AOX1: variants seen among roughly 807,000 people sequenced by gnomAD.
AOX1 encodes the protein aldehyde oxidase.
AOX1 carries 153 observed loss-of-function variants against 169.5 expected under a neutral mutation model. The observed-to-expected ratio is 0.90, with a 90% confidence interval of 0.79 to 1.03. AOX1 has a LOEUF of 1.03. Among genes scored for constraint, AOX1 ranks in the 50% least tolerant of loss-of-function variants. AOX1 has a pLI of 0.00. For missense variants in AOX1, 1,656 were observed against 1,663.9 expected, an observed-to-expected ratio of 1.00 and a Z score of 0.08; for synonymous variants, 562 against 581.9, an observed-to-expected ratio of 0.97 and a Z score of 0.49.
chr2:200,673,444 G>A (rs1015250040), downstream of AOX1, among the ~76,000 whole-genome samples: 1 of 152,166 alleles, frequency 6.6e-6, no homozygotes, highest in Admixed American at 6.5e-5. Context: ...ATTCAGGCAC[G>A]AAATCCTGTC....
chr2:200,643,323 A>G lies in AOX1; in HGVS notation c.2847+522A>G, dbSNP rs1013728994. Among the ~76,000 whole-genome samples, 3 of 151,330 alleles carry G rather than the reference A, an allele frequency of 2.0e-5. No homozygotes were observed. The South Asian group carries it at 6.2e-4, about 31-fold the overall frequency. On this transcript the variant is annotated intron_variant, in intron 25 of 34. Transcript: ENST00000374700. The stretch of plus-strand genomic sequence containing the variant: ...TGAATTGTGAGATTTTGGTGCACCC[A>G]TCACCCGATGGGTGTATGTATATAC...
chr2:200,636,747 CAT>C (rs1267915523), intron 21 of AOX1, among the ~76,000 whole-genome samples, 162 bp from the exon 22 acceptor site: 2 of 152,296 alleles, frequency 1.3e-5, no homozygotes, highest in South Asian at 2.1e-4. Context: ...GTATGGGTAT[CAT>C]GTGCAACATT....
chr2:200,670,339 T>C (rs1465904072), intron 34 of AOX1, among the ~76,000 whole-genome samples: 1 of 152,214 alleles, frequency 6.6e-6, no homozygotes, highest in African/African-American at 2.4e-5. Flanking sequence ...TGGCTCTTTG[T>C]GGTATCCTTC....
chr2:200,607,568 A>G lies in AOX1; in HGVS notation c.908-1416A>G, dbSNP rs372540165. ...GTGGAAGACAGTGTGGTGATTCCTC[A>G]GGGATCTAGAACCAGAAATACCATT... On this transcript the variant is annotated intron_variant, in intron 10 of 34. Coordinates refer to ENST00000374700, the MANE Select transcript of AOX1 (RefSeq NM_001159.4). Among the ~76,000 whole-genome samples the G allele has an allele frequency of 2.6e-5, 4 of 152,332 alleles. No homozygotes were observed. In the East Asian group the frequency reaches 5.8e-4, roughly 22 times the overall value.
At chr2:200,656,451 A>G (rs1201618387) in intron 26 of AOX1, among the ~76,000 whole-genome samples, 2 of 152,216 alleles carry the variant, frequency 1.3e-5, no homozygotes, top group Non-Finnish European at 2.9e-5. Context: ...GTCTAACTCC[A>G]AAGCTCTGTA....
At chr2:200,587,627 G>A (rs1330183748) in intron 1 of AOX1, among the ~76,000 whole-genome samples, 1 of 152,166 alleles carries the variant, frequency 6.6e-6, no homozygotes, top group Non-Finnish European at 1.5e-5. Context: ...TGGATAAGAT[G>A]AGCTAGTTTT....
rs116553252 is a variant in AOX1, at chr2:200,667,959, T to C, written c.3610-656T>C. Among the ~76,000 whole-genome samples, 573 of 152,170 alleles carry C rather than the reference T, an allele frequency of 3.8e-3. 2 individuals are homozygous for C. The highest frequency in any genetic ancestry group is 0.013 in the African/African-American group (533 of 41,520). ...CAGTCAGGGGGGTTTGTCTGCCTCA[T>C]GGGCAAAAAACAAAAGAAGAGGGTG... On this transcript the variant is annotated intron_variant, in intron 32 of 34. Transcript: ENST00000374700.
At chr2:200,609,665 G>A (rs570635186) in intron 12 of AOX1, among the ~76,000 whole-genome samples, 22 of 152,248 alleles carry the variant, frequency 1.4e-4, no homozygotes, top group African/African-American at 5.3e-4. Context: ...GGACATGTTT[G>A]TGTTGGTTAA....
chr2:200,642,926 G>A (rs1323808896), intron 25 of AOX1, 125 bp downstream of exon 25: 7 of 927,162 alleles, frequency 7.5e-6, no homozygotes, highest in Non-Finnish European at 9.6e-6. Context: ...AAGTCCCCCA[G>A]CTAACTGGTT....
chr2:200,659,860 T>C (rs1469381320), intron 28 of AOX1, 135 bp from the exon 29 acceptor site: 1 of 635,548 alleles, frequency 1.6e-6, no homozygotes, highest in Admixed American at 2.8e-5. Flanking sequence ...TCATATCACC[T>C]TCATACAGGG....
downstream of AOX1, among the ~76,000 whole-genome samples, chr2:200,679,666 G>A (rs570301505): frequency 0.011 from 1,695 of 148,294 alleles, 32 homozygotes; most frequent in African/African-American, 0.039. Context: ...GCCCCCCCCC[G>A]AGTCTGTCAC....
intron 19 of AOX1, among the ~76,000 whole-genome samples, chr2:200,625,439 C>A (rs1347612707): frequency 2.0e-5 from 3 of 152,188 alleles, no homozygotes; most frequent in African/African-American, 7.2e-5. Flanking sequence ...CCCACCCTCA[C>A]CACTTCAACC....
Position 200,668,601 on chromosome 2 carries a change from T to C in AOX1, c.3610-14T>C. On this transcript the variant is annotated splice_polypyrimidine_tract_variant and intron_variant, in intron 32 of 34. Coordinates refer to ENST00000374700, the MANE Select transcript of AOX1 (RefSeq NM_001159.4). ...TTCTCATACGTGGAAATTCTTTTTT[T>C]GTTCTTGCCTCAGATTGAAGGTGCA... is the stretch of plus-strand genomic sequence containing the variant. The C allele has an allele frequency of 6.3e-7, 1 of 1,583,346 alleles. No individual in the cohort carries two copies. The highest frequency in any genetic ancestry group is 1.2e-5 in the South Asian group (1 of 85,542).
intron 31 of AOX1, among the ~76,000 whole-genome samples, chr2:200,665,836 G>A (rs925770877): frequency 6.6e-6 from 1 of 152,206 alleles, no homozygotes; most frequent in African/African-American, 2.4e-5. Flanking sequence ...GGCCAGTCTT[G>A]CTGACTGATG....
At chr2:200,669,182 G>T (rs143468538) in intron 33 of AOX1, among the ~76,000 whole-genome samples, 1 of 152,178 alleles carries the variant, frequency 6.6e-6, no homozygotes, top group African/African-American at 2.4e-5. Flanking sequence ...AGTGGCTCAT[G>T]CCTATAATCC....
chr2:200,604,082 T>C lies in AOX1; in HGVS notation c.654T>C (p.Phe218=). ...LPLDPTQELI[F]PPELMIMAEK... ...TGGATCCAACCCAGGAACTGATATT[T>C]CCTCCTGAGCTAATGGTGAGTAAAG... The change falls in exon 8 of 35, where the codon TTT becomes TTC. Residue 218 remains phenylalanine, a synonymous_variant. Coordinates refer to ENST00000374700, the MANE Select transcript of AOX1 (RefSeq NM_001159.4). 1 of 1,611,686 alleles carries C rather than the reference T, an allele frequency of 6.2e-7. No homozygotes were observed.
chr2:200,586,908 A>G (rs1288554262), intron 1 of AOX1, among the ~76,000 whole-genome samples: 14 of 152,020 alleles, frequency 9.2e-5, no homozygotes. Context: ...GTGAGCATCA[A>G]CTCTGCTCAC....
chr2:200,680,609 G>A (rs902481999), downstream of AOX1, among the ~76,000 whole-genome samples: 21 of 152,086 alleles, frequency 1.4e-4, no homozygotes, highest in African/African-American at 4.8e-4. Flanking sequence ...GCAGTGGTGC[G>A]ATCTTGGCTC....
intron 23 of AOX1, among the ~76,000 whole-genome samples, chr2:200,638,891 CAGCTCAATATAA>C (rs552138897): frequency 2.0e-5 from 3 of 150,800 alleles, no homozygotes; most frequent in African/African-American, 7.4e-5. Flanking sequence ...GCTCAAGTAA[CAGCTCAATATAA>C]TGCTCAATAT....
Sources: gnomAD v4.1 joint callset for allele counts (sites outside exome capture counted in the v4.1 genomes callset) on GRCh38, gnomAD v4.1.1 for gene constraint, MANE v1.5 for transcripts, NCBI Gene and HGNC (gene_info 2026-07-23, HGNC 2026-07-21) for gene names.